The following POFUT4 variants were observed in gnomAD, a reference collection of about 807,000 sequenced individuals.
The protein encoded by POFUT4 is GDP-fucose protein O-fucosyltransferase 4.
chr10:73,773,802 C>A, the POFUT4 span: 1 of 1,576,814 alleles, frequency 6.3e-7, no homozygotes, highest in Non-Finnish European at 8.6e-7. Context: ...GGAAGAGATT[C>A]CTGAGAATGA....
chr10:73,772,700 T>C, the POFUT4 span: 4 of 1,579,180 alleles, frequency 2.5e-6, no homozygotes, highest in Non-Finnish European at 3.4e-6. Context: ...GCTGCTCTTC[T>C]ACGGCACAGA....
chr10:73,773,464 A>G, the POFUT4 span: 1 of 1,614,200 alleles, frequency 6.2e-7, no homozygotes, highest in Non-Finnish European at 8.5e-7. Flanking sequence ...GATGATTTTG[A>G]GTCTCCTCAG....
chr10:73,773,654 CTG>C, the POFUT4 span: 5 of 1,614,276 alleles, frequency 3.1e-6, no homozygotes, highest in African/African-American at 1.3e-5. Context: ...AGTGTTTCGT[CTG>C]TGACTACGAA....
At chr10:73,778,654 C>T in the POFUT4 span, among the ~76,000 whole-genome samples, 1 of 152,112 alleles carries the variant, frequency 6.6e-6, no homozygotes. Context: ...ATGTTAGATG[C>T]TTCAACAACT....
At chr10:73,773,100 CA>C in the POFUT4 span, 1 of 102,234 alleles carries the variant, frequency 9.8e-6, no homozygotes. Flanking sequence ...GCCAGGACTC[CA>C]GGTGTCCAGG....
At chr10:73,773,758 A>C in the POFUT4 span, 3 of 1,611,558 alleles carry the variant, frequency 1.9e-6, no homozygotes, top group African/African-American at 4.0e-5. Flanking sequence ...TCACACATGG[A>C]CTGCCCAGTG....
At chr10:73,777,111 T>C in the POFUT4 span, among the ~76,000 whole-genome samples, 22 of 152,226 alleles carry the variant, frequency 1.4e-4, no homozygotes, top group Admixed American at 6.5e-4. Context: ...ATCTGGGATT[T>C]CTTCTCATGA....
chr10:73,772,648 G>C, the POFUT4 span: 2 of 1,555,776 alleles, frequency 1.3e-6, no homozygotes, highest in Non-Finnish European at 1.7e-6. Flanking sequence ...CGTGCGTGGC[G>C]TCCCGGAACC....
At chr10:73,776,060 T>C in the POFUT4 span, 1 of 193,778 alleles carries the variant, frequency 5.2e-6, no homozygotes. Flanking sequence ...TTTTGTTCTA[T>C]TCCCCAGACT....
chr10:73,773,060 G>A, the POFUT4 span: 1 of 1,555,452 alleles, frequency 6.4e-7, no homozygotes, highest in East Asian at 2.3e-5. Context: ...GGGCGGGCCG[G>A]AGGGAAGGAA....
the POFUT4 span, chr10:73,772,335 TGGC>T: frequency 4.8e-6 from 7 of 1,452,040 alleles, no homozygotes; most frequent in South Asian, 2.9e-5. Flanking sequence ...GGAGTGGACA[TGGC>T]GGCCGGCCCC....
the POFUT4 span, chr10:73,774,694 T>TCACACACACA: frequency 1.4e-3 from 216 of 150,236 alleles, no homozygotes; most frequent in African/African-American, 5.1e-3. Flanking sequence ...TAAGACCCTG[T>TCACACACACA]CACACACACA....
chr10:73,773,237 G>A, the POFUT4 span: 872 of 1,613,560 alleles, frequency 5.4e-4, 3 homozygotes, highest in South Asian at 2.6e-3. Context: ...TGCCTACCGC[G>A]CGGCTACAGG....
chr10:73,777,659 A>T, the POFUT4 span, among the ~76,000 whole-genome samples: 1 of 150,994 alleles, frequency 6.6e-6, no homozygotes, highest in African/African-American at 2.4e-5. Flanking sequence ...AGTTCAAGTG[A>T]TTCTCCTGCC....
the POFUT4 span, chr10:73,773,318 C>T: frequency 6.2e-7 from 1 of 1,614,138 alleles, no homozygotes. Context: ...TCCACTTGGC[C>T]CTGGAAAATG....
chr10:73,773,209 G>A, the POFUT4 span: 1 of 1,611,694 alleles, frequency 6.2e-7, no homozygotes. Context: ...TACGGGAAAT[G>A]CCTGCAGAAT....
the POFUT4 span, chr10:73,773,520 T>C: frequency 3.1e-6 from 5 of 1,613,782 alleles, no homozygotes; most frequent in African/African-American, 6.7e-5. Context: ...TGATGAGGAG[T>C]ATATGAAATA....
At chr10:73,777,348 T>C in the POFUT4 span, among the ~76,000 whole-genome samples, 1 of 152,148 alleles carries the variant, frequency 6.6e-6, no homozygotes, top group Non-Finnish European at 1.5e-5. Flanking sequence ...AGTGCAAATT[T>C]TTATAGGTCC....
At chr10:73,775,550 G>A in the POFUT4 span, 1 of 1,614,106 alleles carries the variant, frequency 6.2e-7, no homozygotes, top group Non-Finnish European at 8.5e-7. Flanking sequence ...GTTGGAAAGA[G>A]ATGTGGCTGC....
Sources: gnomAD v4.1 joint callset for allele counts (sites outside exome capture counted in the v4.1 genomes callset) on GRCh38, gnomAD v4.1.1 for gene constraint, MANE v1.5 for transcripts, NCBI Gene and HGNC (gene_info 2026-07-23, HGNC 2026-07-21) for gene names.